The following PHACTR3 variants were observed in gnomAD, a reference collection of about 807,000 sequenced individuals.
The protein encoded by PHACTR3 is protein phosphatase 1, regulatory subunit 123.
In PHACTR3, 16 loss-of-function variants were observed where a neutral mutation model predicts 66.8. That is an observed-to-expected ratio of 0.24 (90% CI 0.16 to 0.36). The LOEUF (loss-of-function observed/expected upper bound fraction) is 0.36. Ranked by LOEUF, PHACTR3 falls within the 10% of genes least tolerant of loss-of-function variation. The pLI is 1.00. For missense variants in PHACTR3, 647 were observed against 719.9 expected (o/e 0.90, Z 1.16); for synonymous variants, 323 against 292.1 (o/e 1.11, Z -1.08).
At chr20:59,750,605 C>G (rs775789496) in intron 3 of PHACTR3, among the ~76,000 whole-genome samples, 1 of 152,154 alleles carries the variant, frequency 6.6e-6, no homozygotes, top group African/African-American at 2.4e-5. Context: ...CCCGTCTTCC[C>G]TGCCCACACA....
intron 7 of PHACTR3, among the ~76,000 whole-genome samples, chr20:59,798,966 C>A (rs566106247): frequency 6.6e-6 from 1 of 151,988 alleles, no homozygotes; most frequent in African/African-American, 2.4e-5. Flanking sequence ...TCCCTGTTAC[C>A]ATTATTTTGA....
At chr20:59,749,143 G>T (rs6128677) in intron 3 of PHACTR3, among the ~76,000 whole-genome samples, 1 of 152,162 alleles carries the variant, frequency 6.6e-6, no homozygotes, top group Non-Finnish European at 1.5e-5. Context: ...GGCGGAATGC[G>T]GTTGCTGAGC....
intron 1 of PHACTR3, among the ~76,000 whole-genome samples, chr20:59,683,034 G>A (rs984065612): frequency 2.6e-5 from 4 of 152,200 alleles, no homozygotes; most frequent in Non-Finnish European, 4.4e-5. Context: ...CAATCCAGGC[G>A]GGAGATGATG....
chr20:59,605,841 T>G (rs962574891), intron 1 of PHACTR3, among the ~76,000 whole-genome samples: 11 of 49,624 alleles, frequency 2.2e-4, no homozygotes, highest in Non-Finnish European at 3.9e-4. Context: ...AAAGGCCTAA[T>G]AAAGCGGGGG....
chr20:59,698,933 T>C (rs1257192054), intron 1 of PHACTR3, among the ~76,000 whole-genome samples: 3 of 152,156 alleles, frequency 2.0e-5, no homozygotes, highest in Non-Finnish European at 4.4e-5. Context: ...TGAAAGAAGA[T>C]CAATGCTGCC....
At chr20:59,803,139 G>A (rs1157641658) in intron 7 of PHACTR3, among the ~76,000 whole-genome samples, 2 of 152,092 alleles carry the variant, frequency 1.3e-5, no homozygotes, top group East Asian at 1.9e-4. Flanking sequence ...TGGCTGCCAG[G>A]CAGCTGGTCT....
At chr20:59,720,040 A>C (rs1390330350) in intron 1 of PHACTR3, among the ~76,000 whole-genome samples, 1 of 152,156 alleles carries the variant, frequency 6.6e-6, no homozygotes, top group African/African-American at 2.4e-5. Context: ...CTGCCCTTCC[A>C]GCTCTCTCAT....
At chr20:59,786,335 A>G (rs2040913701) in intron 7 of PHACTR3, among the ~76,000 whole-genome samples, 1 of 152,210 alleles carries the variant, frequency 6.6e-6, no homozygotes, top group African/African-American at 2.4e-5. Flanking sequence ...GGTCATGGTG[A>G]TCCCTCTGAG....
chr20:59,608,846 A>G (rs903392405), intron 1 of PHACTR3, among the ~76,000 whole-genome samples: 3 of 152,060 alleles, frequency 2.0e-5, no homozygotes, highest in Non-Finnish European at 4.4e-5. Context: ...GCACTCTTCA[A>G]CACCTGGGGT....
At chr20:59,584,856 T>C (rs1373824893) in intron 1 of PHACTR3, among the ~76,000 whole-genome samples, 5 of 152,146 alleles carry the variant, frequency 3.3e-5, no homozygotes, top group Non-Finnish European at 5.9e-5. Context: ...TGTAAGCTCT[T>C]ATTGTCCAAA....
chr20:59,649,217 A>G (rs921952287), intron 1 of PHACTR3, among the ~76,000 whole-genome samples: 1 of 152,240 alleles, frequency 6.6e-6, no homozygotes, highest in African/African-American at 2.4e-5. Context: ...TAACTCATCT[A>G]TGAAATAGTT....
At chr20:59,795,011 C>A (rs950264925) in intron 7 of PHACTR3, among the ~76,000 whole-genome samples, 4 of 151,940 alleles carry the variant, frequency 2.6e-5, no homozygotes, top group Admixed American at 2.6e-4. Flanking sequence ...TCTGCTCTAA[C>A]CTTTATTTTT....
chr20:59,780,040 C>A (rs933497079), intron 7 of PHACTR3, among the ~76,000 whole-genome samples: 1 of 152,152 alleles, frequency 6.6e-6, no homozygotes, highest in Admixed American at 6.5e-5. Flanking sequence ...TCACAGTGTC[C>A]CAGCTCTGGG....
intron 1 of PHACTR3, among the ~76,000 whole-genome samples, chr20:59,665,912 A>G (rs1167443156): frequency 2.6e-5 from 4 of 152,204 alleles, no homozygotes; most frequent in Non-Finnish European, 5.9e-5. Flanking sequence ...AGGGGACTGC[A>G]AGAGTCCCCT....
chr20:59,829,854 G>A lies in PHACTR3; in HGVS notation c.1329-6651G>A, dbSNP rs566500739. Among the ~76,000 whole-genome samples the A allele has an allele frequency of 1.1e-4, 17 of 152,256 alleles. No homozygotes were observed. The highest frequency in any genetic ancestry group is 1.1e-3 in the Admixed American group (17 of 15,292). ...GATTCAAACCTTTTCTGTGACATCTGTGCTGGGGTGAGATCAAGATTTGGG... is the reference window on the plus strand; with the variant it reads ...GATTCAAACCTTTTCTGTGACATCTATGCTGGGGTGAGATCAAGATTTGGG... On this transcript the variant is annotated intron_variant, in intron 8 of 12. Coordinates refer to ENST00000371015, the MANE Select transcript of PHACTR3 (RefSeq NM_080672.5). The surrounding 1 kb of genome is among the most constrained non-coding windows in gnomAD (Gnocchi z 4.2).
chr20:59,696,372 G>A (rs1185263751), intron 1 of PHACTR3, among the ~76,000 whole-genome samples: 1 of 152,166 alleles, frequency 6.6e-6, no homozygotes, highest in Non-Finnish European at 1.5e-5. Context: ...GCTTTACTGA[G>A]AGCCTCTGAA....
rs111485424 is a variant in PHACTR3 at position 59,606,310 on chromosome 20, C to A, written c.118+1178C>A. On this transcript the variant is annotated intron_variant, in intron 1 of 12. Transcript: ENST00000371015. ...GTGTGGGCACTGGATCCCTCCCCCC[C>A]CCATTTGAAAATTTAAACAATAAAC... Among the ~76,000 whole-genome samples the A allele has an allele frequency of 6.1e-3, 928 of 151,524 alleles. 10 individuals carry two copies. Among genetic ancestry groups the A allele is most frequent in the African/African-American group, 0.02 (839 of 40,940 alleles).
At chr20:59,659,370 CTTTT>C (rs757895372) in intron 1 of PHACTR3, among the ~76,000 whole-genome samples, 9 of 92,782 alleles carry the variant, frequency 9.7e-5, no homozygotes, top group Non-Finnish European at 1.8e-4. Context: ...GGGTCTGGGA[CTTTT>C]TTTTTTTTTT....
chr20:59,690,225 C>T (rs2037060787), intron 1 of PHACTR3, among the ~76,000 whole-genome samples: 1 of 152,188 alleles, frequency 6.6e-6, no homozygotes, highest in African/African-American at 2.4e-5. Context: ...AGAACTCTAA[C>T]CCACACCACC....
Sources: allele counts gnomAD v4.1 joint callset (sites outside exome capture counted in the v4.1 genomes callset), GRCh38; gene constraint gnomAD v4.1.1; non-coding constraint Gnocchi (gnomAD v3.1); transcripts MANE v1.5; gene names NCBI Gene and HGNC (gene_info 2026-07-23, HGNC 2026-07-21).